Variants in KNL1 observed in about 807,000 individuals in gnomAD.
KNL1 encodes outer kinetochore KNL1 complex subunit KNL1.
KNL1 carries 66 observed loss-of-function variants against 201.3 expected under a neutral mutation model. That is an observed-to-expected ratio of 0.33 (90% confidence interval 0.27 to 0.40). The LOEUF (loss-of-function observed/expected upper bound fraction) is 0.40. KNL1 is among the 10% of genes least tolerant of loss of function. The probability of loss-of-function intolerance (pLI) is 1.00; values close to 1 mark genes in which losing one functional copy is unlikely to be tolerated. For synonymous variants in KNL1, 895 were observed against 899.2 expected (o/e 1.00, Z 0.08); for missense variants, 2,815 against 2,690.5 (o/e 1.05, Z -1.02).
At chr15:40,641,357 G>T (rs1290042842) in intron 14 of KNL1, among the ~76,000 whole-genome samples, 1 of 152,112 alleles carries the variant, frequency 6.6e-6, no homozygotes, top group Non-Finnish European at 1.5e-5. Flanking sequence ...GGAAAAGGTA[G>T]GTCCTTAATA....
chr15:40,621,558 A>G lies in KNL1; in HGVS notation c.1294A>G (p.Ser432Gly). ...AGGTTGTAAGACTGTTTTCTATTCT[A>G]GTTGTAATGATGCCATGGAAATGAC... is the stretch of plus-strand genomic sequence containing the variant. ...IQGCKTVFYSSCNDAMEMTKC... is the reference protein window; with the variant it reads ...IQGCKTVFYSGCNDAMEMTKC... Residue 432 changes from serine to glycine, a missense_variant, in exon 10 of 26, where the codon AGT (serine) becomes GGT (glycine). Around this residue, in one of 3 missense-constraint regions of KNL1, gnomAD observed 2,464 missense variants for 2,291.7 expected, o/e 1.08. Transcript: ENST00000399668. 1.2e-6 allele frequency: 2 copies of G among 1,610,518 alleles called. No individual in the cohort carries two copies. Among genetic ancestry groups the G allele is most frequent in the Non-Finnish European group, 8.5e-7 (1 of 1,178,334 alleles).
At position 40,657,088 on chromosome 15, in the gene KNL1, C is replaced by A. The variant is rs1214600210; in HGVS notation, c.6531C>A (p.Phe2177Leu). The A allele has an allele frequency of 6.2e-7, 1 of 1,607,428 alleles. No individual in the cohort carries two copies. Among genetic ancestry groups the A allele is most frequent in the Admixed American group, 1.7e-5 (1 of 59,140 alleles). The change falls in exon 23 of 26, where the codon TTC becomes TTA. Residue 2177 changes from phenylalanine (F) to leucine (L), a missense_variant. Phe to Leu is a conservative substitution (Grantham distance 22). This residue lies in a region of KNL1 where 334 missense variants were observed against 362.6 expected (regional missense o/e 0.92). Coordinates refer to ENST00000399668, the MANE Select transcript of KNL1 (RefSeq NM_144508.5). ...CCCTTTTAGTTCATAAGCTTATTTTCCAGTACGTTGAAGAAAAGGAATCCT... is the reference window on the plus strand; with the variant it reads ...CCCTTTTAGTTCATAAGCTTATTTTACAGTACGTTGAAGAAAAGGAATCCT... Reference protein sequence around the residue: ...PSSLLVHKLIFQYVEEKESWK... With the variant: ...PSSLLVHKLILQYVEEKESWK...
rs1893988191 is a variant in KNL1, at chr15:40,664,073, G to A, written c.*1885G>A. ...AACTTAAGTTAGCTTTCTTATTGGA[G>A]TTATTTCTTTTCTGTAAGTCTGAAA... On this transcript the variant is annotated 3_prime_UTR_variant, in exon 26 of 26. Transcript: ENST00000399668. 5.4e-6 allele frequency: 1 copy of A among 184,564 alleles called. No individual in the cohort carries two copies. Among genetic ancestry groups the A allele is most frequent in the East Asian group, 8.8e-5 (1 of 11,394 alleles). 11.4% of individuals were successfully genotyped at this position (184,564 alleles called of 1,614,324 possible). A position where few individuals can be genotyped will look rare whatever the true frequency, so the allele number is the denominator to read the frequency against.
In KNL1 at chr15:40,624,839, C is replaced by T; in HGVS notation, c.4575C>T (p.Asn1525=). The change falls in exon 10 of 26, where the codon AAC becomes AAT. Residue 1525 remains asparagine, a synonymous_variant. Coordinates refer to ENST00000399668, the MANE Select transcript of KNL1 (RefSeq NM_144508.5). ...ATACAGCTCTAGATTTCCACAGTAA[C>T]TCAGACGTAACTAAGCAAGTCATTC... ...NYNTALDFHS[N]SDVTKQVIQT... is the part of the protein sequence containing the mutation. 6.2e-7 allele frequency: 1 copy of T among 1,613,050 alleles called. No individual in the cohort carries two copies.
At chr15:40,654,828 C>T in intron 21 of KNL1, 81 bp from the exon 22 acceptor site, 2 of 1,014,768 alleles carry the variant, frequency 2.0e-6, no homozygotes, top group East Asian at 4.8e-5. Context: ...AAGACTGCGC[C>T]ATTGCACTCC....
rs1892543604 is a variant in KNL1 at position 40,621,863 on chromosome 15, T to C, written c.1599T>C (p.Asn533=). Residue 533 remains asparagine, a synonymous_variant, in exon 10 of 26, where the codon AAT becomes AAC. Transcript: ENST00000399668. Reference sequence around the variant, plus strand: ...CCACATCAGAAGATGGGAAAATGAATGTAAATTGTAACTCAGTTCCTCATG... The same window carrying C: ...CCACATCAGAAGATGGGAAAATGAACGTAAATTGTAACTCAGTTCCTCATG... ...LMTTSEDGKM[N]VNCNSVPHVS... 6.2e-7 allele frequency: 1 copy of C among 1,614,078 alleles called. No homozygotes were observed. The highest frequency in any genetic ancestry group is 8.5e-7 in the Non-Finnish European group (1 of 1,179,970).
At position 40,623,697 on chromosome 15, in the gene KNL1, G is replaced by C. The variant is rs1018042862; in HGVS notation, c.3433G>C (p.Glu1145Gln). 1 of 1,613,886 alleles carries C rather than the reference G, an allele frequency of 6.2e-7. No individual in the cohort carries two copies. Among genetic ancestry groups the C allele is most frequent in the South Asian group, 1.1e-5 (1 of 91,070 alleles). ...AGAATGTAAAACTCTCCTGCCAAAT[G>C]AAATAGCTATTAGGCCCATGGACAA... The part of the protein sequence containing the change: ...ALECKTLLPN[E>Q]IAIRPMDKTV... Residue 1145 changes from glutamate (E) to glutamine (Q), a missense_variant, in exon 10 of 26, where the codon GAA (glutamate) becomes CAA (glutamine). Physicochemically the swap from Glu to Gln is conservative, Grantham distance 29 (BLOSUM62 2). Coordinates refer to ENST00000399668, the MANE Select transcript of KNL1 (RefSeq NM_144508.5).
At chr15:40,606,339 G>T in intron 3 of KNL1, 54 bp from the exon 4 acceptor site, 1 of 1,074,648 alleles carries the variant, frequency 9.3e-7, no homozygotes, top group South Asian at 1.3e-5. Flanking sequence ...GAAATAAACT[G>T]ATTCTTAATA....
chr15:40,632,485 C>T (rs1041907087), intron 13 of KNL1, among the ~76,000 whole-genome samples: 2 of 151,764 alleles, frequency 1.3e-5, no homozygotes, highest in East Asian at 1.9e-4. Context: ...GCCTGTAGTC[C>T]CAGCTACTCG....
chr15:40,624,478 T>G lies in KNL1; in HGVS notation c.4214T>G (p.Val1405Gly). 6.2e-7 allele frequency: 1 copy of G among 1,613,834 alleles called. No individual in the cohort carries two copies. The highest frequency in any genetic ancestry group is 1.7e-4 in the Middle Eastern group (1 of 6,060). The change falls in exon 10 of 26, where the codon GTA (valine) becomes GGA (glycine). Residue 1405 changes from valine to glycine, a missense_variant. By Grantham distance (109) the Val-to-Gly change is moderately radical. Coordinates refer to ENST00000399668, the MANE Select transcript of KNL1 (RefSeq NM_144508.5). ...PRNLLANQTL[V>G]YSQDLGEMTK... is the part of the protein sequence containing the mutation. Reference sequence around the variant, plus strand: ...AATCTATTGGCTAATCAAACTTTAGTATATAGTCAAGATCTGGGGGAGATG... The same window carrying G: ...AATCTATTGGCTAATCAAACTTTAGGATATAGTCAAGATCTGGGGGAGATG...
chr15:40,632,671 TAAG>T (rs998141676), intron 13 of KNL1, among the ~76,000 whole-genome samples: 3 of 152,158 alleles, frequency 2.0e-5, no homozygotes, highest in Non-Finnish European at 4.4e-5. Context: ...ATACATCTGA[TAAG>T]AAGCTTTATC....
intron 7 of KNL1, among the ~76,000 whole-genome samples, chr15:40,614,021 A>G (rs914352418): frequency 1.6e-4 from 24 of 148,726 alleles, no homozygotes; most frequent in African/African-American, 5.5e-4. Context: ...GATGGTCTCA[A>G]TTTCCTGACC....
At chr15:40,657,517 A>T in intron 24 of KNL1, 44 bp downstream of exon 24, 1 of 1,024,132 alleles carries the variant, frequency 9.8e-7, no homozygotes, top group East Asian at 2.4e-5. Context: ...AGAGTACTAC[A>T]AATTGGGTAC....
intron 13 of KNL1, among the ~76,000 whole-genome samples, chr15:40,630,308 C>G (rs890418178): frequency 6.6e-6 from 1 of 151,802 alleles, no homozygotes; most frequent in African/African-American, 2.4e-5. Context: ...CTCTTGGCCA[C>G]AAAGAAAACA....
chr15:40,612,985 G>A (rs1272557498), intron 7 of KNL1, among the ~76,000 whole-genome samples: 3 of 152,096 alleles, frequency 2.0e-5, no homozygotes, highest in Admixed American at 1.3e-4. Context: ...ACCAATATAC[G>A]TGTAAATGTT....
At chr15:40,634,580 T>C (rs573471143) in intron 13 of KNL1, among the ~76,000 whole-genome samples, 1 of 152,188 alleles carries the variant, frequency 6.6e-6, no homozygotes, top group Non-Finnish European at 1.5e-5. Flanking sequence ...ACAACTCTTT[T>C]GGGCCTCAGC....
At chr15:40,595,620 C>T (rs928312867) in intron 1 of KNL1, among the ~76,000 whole-genome samples, 9 of 152,226 alleles carry the variant, frequency 5.9e-5, no homozygotes, top group Middle Eastern at 3.4e-3. Flanking sequence ...GATACTGACT[C>T]TAGATATTGC....
intron 1 of KNL1, among the ~76,000 whole-genome samples, chr15:40,599,394 C>A (rs140365866): frequency 1.5e-4 from 23 of 150,504 alleles, no homozygotes; most frequent in Middle Eastern, 3.4e-3. Context: ...CATCCTCCCC[C>A]ACCCCCCGAG....
At chr15:40,609,284 C>G (rs1892079465) in intron 5 of KNL1, among the ~76,000 whole-genome samples, 1 of 151,796 alleles carries the variant, frequency 6.6e-6, no homozygotes, top group African/African-American at 2.4e-5. Context: ...GCATGATACC[C>G]TGCACCTGTA....
Sources: gnomAD v4.1 joint callset for allele counts (sites outside exome capture counted in the v4.1 genomes callset) on GRCh38, gnomAD v4.1.1 for gene constraint, gnomAD v4.1.1 regional missense constraint, MANE v1.5 for transcripts, NCBI Gene and HGNC (gene_info 2026-07-23, HGNC 2026-07-21) for gene names.